Variants in PCSK5 observed in about 807,000 individuals in gnomAD.
The protein encoded by PCSK5 is proprotein convertase subtilisin/kexin type 5.
A neutral mutation model predicts 233.2 loss-of-function variants in PCSK5; 129 were observed. The ratio of observed to expected loss-of-function variants is 0.55; its 90% confidence interval spans 0.48 to 0.64. PCSK5 has a LOEUF of 0.64. PCSK5 is among the 30% of genes least tolerant of loss of function. PCSK5 has a pLI of 0.00. For synonymous variants in PCSK5, 825 were observed against 879.2 expected, an observed-to-expected ratio of 0.94 and a Z score of 1.09; for missense variants, 2,076 against 2,430.1, an observed-to-expected ratio of 0.85 and a Z score of 3.06.
intron 3 of PCSK5, among the ~76,000 whole-genome samples, chr9:75,995,169 C>T (rs999313554): frequency 3.3e-5 from 5 of 152,200 alleles, no homozygotes; most frequent in African/African-American, 4.8e-5. Flanking sequence ...TTTGCTATAT[C>T]ACCATGCACA....
At chr9:76,214,156 T>C (rs930514021) in intron 20 of PCSK5, among the ~76,000 whole-genome samples, 2 of 152,148 alleles carry the variant, frequency 1.3e-5, no homozygotes, top group African/African-American at 2.4e-5. Flanking sequence ...GAGCTGATTC[T>C]ATCCCACAAA....
At chr9:76,030,033 CAA>C (rs531951089) in intron 5 of PCSK5, among the ~76,000 whole-genome samples, 12 of 151,726 alleles carry the variant, frequency 7.9e-5, no homozygotes, top group Admixed American at 2.6e-4. Context: ...TAGAGAGAAA[CAA>C]ATATGCTCTA....
intron 20 of PCSK5, among the ~76,000 whole-genome samples, chr9:76,197,312 A>C (rs992314776): frequency 6.6e-5 from 10 of 152,088 alleles, no homozygotes; most frequent in African/African-American, 2.4e-4. Flanking sequence ...CTCACTTTCC[A>C]CTCCAGTTAT....
chr9:76,024,162 G>A (rs77579552), intron 4 of PCSK5, among the ~76,000 whole-genome samples: 1,607 of 152,266 alleles, frequency 0.011, 37 homozygotes, highest in South Asian at 0.057. Flanking sequence ...AACATTCGCT[G>A]TTCTCAACAA....
At chr9:76,320,525 G>A (rs1430889573) in intron 30 of PCSK5, among the ~76,000 whole-genome samples, 1 of 57,630 alleles carries the variant, frequency 1.7e-5, no homozygotes, top group Non-Finnish European at 3.4e-5. Flanking sequence ...CTGGAGTGCA[G>A]TGGAGTGGCA....
intron 5 of PCSK5, among the ~76,000 whole-genome samples, chr9:76,030,999 A>G (rs1828631887): frequency 6.6e-6 from 1 of 152,008 alleles, no homozygotes; most frequent in Non-Finnish European, 1.5e-5. Flanking sequence ...GAAATAGGGA[A>G]TTTTCACAGG....
At chr9:76,257,667 A>C (rs576838313) in intron 24 of PCSK5, among the ~76,000 whole-genome samples, 2 of 152,246 alleles carry the variant, frequency 1.3e-5, no homozygotes, top group African/African-American at 4.8e-5. Context: ...ACGCTGCGGC[A>C]AGCTGGAGAA....
chr9:76,353,950 A>G (rs1393286831), intron 36 of PCSK5, 83 bp from the exon 37 acceptor site: 1 of 956,856 alleles, frequency 1.0e-6, no homozygotes, highest in African/African-American at 1.6e-5. Flanking sequence ...CCTTATGAAG[A>G]CAAGATGAGA....
chr9:76,220,251 G>T (rs887626631), intron 20 of PCSK5, among the ~76,000 whole-genome samples: 11 of 152,270 alleles, frequency 7.2e-5, no homozygotes, highest in East Asian at 1.9e-4. Context: ...TCAGGGCTGG[G>T]CATGGTGGCT....
At chr9:76,193,700 A>AT (rs71499135) in intron 20 of PCSK5, 19,203 of 180,554 alleles carry the variant, frequency 0.11, 1,207 homozygotes, top group Admixed American at 0.16. Flanking sequence ...TTGAAGGTCC[A>AT]TTTTTTTCCC....
chr9:76,054,966 A>G (rs2131565042), intron 5 of PCSK5, among the ~76,000 whole-genome samples: 1 of 152,306 alleles, frequency 6.6e-6, no homozygotes, highest in South Asian at 2.1e-4. Flanking sequence ...GTGATCTATT[A>G]TTACTCAATA....
chr9:76,040,878 C>T (rs1051102434), intron 5 of PCSK5, among the ~76,000 whole-genome samples: 1 of 152,134 alleles, frequency 6.6e-6, no homozygotes, highest in Non-Finnish European at 1.5e-5. Context: ...TTTGGTTATT[C>T]ATTAAAAATC....
intron 9 of PCSK5, among the ~76,000 whole-genome samples, chr9:76,132,494 C>T (rs560849424): frequency 4.6e-5 from 7 of 152,054 alleles, no homozygotes; most frequent in South Asian, 4.2e-4. Context: ...AGTCTTAACC[C>T]GCTCTGGAAA....
Position 75,971,680 on chromosome 9 carries a change from A to G in PCSK5, c.298-14452A>G, listed in dbSNP as rs549271322. Reference sequence around the variant, plus strand: ...GGTTATAATTTGCATTTCTATAATGATCAGTGATGATGAGCTTTTTTTCTT... The same window carrying G: ...GGTTATAATTTGCATTTCTATAATGGTCAGTGATGATGAGCTTTTTTTCTT... On this transcript the variant is annotated intron_variant, in intron 2 of 37. Transcript: ENST00000674117. Among the ~76,000 whole-genome samples the G allele has an allele frequency of 4.6e-5, 7 of 152,248 alleles. No individual in the cohort carries two copies. The East Asian group carries it at 1.4e-3, about 29-fold the overall frequency.
chr9:76,268,513 T>A (rs917675205), intron 24 of PCSK5, among the ~76,000 whole-genome samples: 3 of 152,156 alleles, frequency 2.0e-5, no homozygotes, highest in Non-Finnish European at 4.4e-5. Flanking sequence ...CAGTCTGTAG[T>A]ATAAGGAGAA....
At chr9:76,132,766 C>T (rs958611208) in intron 9 of PCSK5, among the ~76,000 whole-genome samples, 2 of 152,034 alleles carry the variant, frequency 1.3e-5, no homozygotes, top group African/African-American at 4.8e-5. Flanking sequence ...CAGATACTAG[C>T]ATCCATGTTC....
chr9:75,940,195 G>A (rs1013745874), intron 2 of PCSK5, among the ~76,000 whole-genome samples: 2 of 152,170 alleles, frequency 1.3e-5, no homozygotes, highest in Admixed American at 6.5e-5. Flanking sequence ...TAACGTGTTG[G>A]TTATAATCTG....
intron 5 of PCSK5, among the ~76,000 whole-genome samples, chr9:76,040,179 G>T (rs531167223): frequency 1.3e-5 from 2 of 152,116 alleles, no homozygotes; most frequent in Non-Finnish European, 2.9e-5. Flanking sequence ...AAGACTGCTC[G>T]GTAGTATGGC....
chr9:75,949,604 T>C (rs1485201427), intron 2 of PCSK5, among the ~76,000 whole-genome samples: 1 of 152,126 alleles, frequency 6.6e-6, no homozygotes, highest in African/African-American at 2.4e-5. Context: ...CTCAGCTCAC[T>C]GCAACCTCTG....
Sources: gnomAD v4.1 joint callset for allele counts (sites outside exome capture counted in the v4.1 genomes callset) on GRCh38, gnomAD v4.1.1 for gene constraint, MANE v1.5 for transcripts, NCBI Gene and HGNC (gene_info 2026-07-23, HGNC 2026-07-21) for gene names.